CACNA1E: variants seen among roughly 807,000 people sequenced by gnomAD.
CACNA1E encodes voltage-dependent R-type calcium channel subunit alpha-1E.
A neutral mutation model predicts 259.2 loss-of-function variants in CACNA1E; 40 were observed. That is an observed-to-expected ratio of 0.15 (90% confidence interval 0.12 to 0.20). CACNA1E has a LOEUF of 0.20. Among genes scored for constraint, CACNA1E ranks in the 10% least tolerant of loss-of-function variants. The pLI, the probability that CACNA1E is intolerant of heterozygous loss-of-function variation, is 1.00. For synonymous variants in CACNA1E, 1,104 were observed against 1,138.5 expected, an observed-to-expected ratio of 0.97 and a Z score of 0.61; for missense variants, 1,874 against 3,040.1, an observed-to-expected ratio of 0.62 and a Z score of 9.02.
At chr1:181,622,907 A>G (rs1230514577) in intron 6 of CACNA1E, among the ~76,000 whole-genome samples, 1 of 152,260 alleles carries the variant, frequency 6.6e-6, no homozygotes, top group Admixed American at 6.5e-5. Flanking sequence ...ACTTATGCTT[A>G]GGAGCTTTTT....
intron 2 of CACNA1E, among the ~76,000 whole-genome samples, chr1:181,432,887 A>G (rs1659813063): frequency 6.6e-6 from 1 of 152,250 alleles, no homozygotes; most frequent in Non-Finnish European, 1.5e-5. Flanking sequence ...AAAGGAAACA[A>G]GTAAAATCAA....
Position 181,713,582 on chromosome 1 carries a change from T to G in CACNA1E, c.1172-1756T>G, listed in dbSNP as rs114391625. Among the ~76,000 whole-genome samples the G allele has an allele frequency of 1.6e-3, 241 of 152,338 alleles. 1 individual carries two copies. The highest frequency in any genetic ancestry group is 5.8e-3 in the African/African-American group (240 of 41,572). ...CTCTCAGTTTTATCTGTAGCTGGAA[T>G]TACGGTAATGACTTTAACCTCTCCT... On this transcript the variant is annotated intron_variant, in intron 8 of 47. Coordinates refer to ENST00000367573, the MANE Select transcript of CACNA1E (RefSeq NM_001205293.3).
chr1:181,574,896 A>G (rs951429452), intron 3 of CACNA1E, among the ~76,000 whole-genome samples: 5 of 152,052 alleles, frequency 3.3e-5, no homozygotes, highest in African/African-American at 7.2e-5. Flanking sequence ...TTGGTGGCAT[A>G]TGCCTGTAAT....
chr1:181,735,262 T>C (rs370795530), intron 21 of CACNA1E, among the ~76,000 whole-genome samples: 1 of 152,236 alleles, frequency 6.6e-6, no homozygotes. Context: ...GGCCTTCTTT[T>C]ATGAGAAAGA....
chr1:181,578,415 A>T (rs1012937020), intron 4 of CACNA1E, among the ~76,000 whole-genome samples: 3 of 152,166 alleles, frequency 2.0e-5, no homozygotes, highest in Non-Finnish European at 4.4e-5. Context: ...AAGTAAAAAA[A>T]ATGTAGCTGA....
intron 1 of CACNA1E, among the ~76,000 whole-genome samples, chr1:181,370,051 T>C (rs1654568187): frequency 6.6e-6 from 1 of 152,108 alleles, no homozygotes; most frequent in Non-Finnish European, 1.5e-5. Context: ...TTGAGAATTT[T>C]AATTTTTCAA....
intron 3 of CACNA1E, among the ~76,000 whole-genome samples, chr1:181,573,561 C>T (rs972110711): frequency 6.1e-4 from 93 of 152,286 alleles, no homozygotes; most frequent in African/African-American, 2.2e-3. Flanking sequence ...TCTGTCCAGT[C>T]CTCAGTAAGA....
chr1:181,641,927 T>A (rs771318752), intron 6 of CACNA1E, among the ~76,000 whole-genome samples: 31 of 152,100 alleles, frequency 2.0e-4, no homozygotes, highest in Non-Finnish European at 4.4e-4. Flanking sequence ...TTGGCCAGGC[T>A]GGTCTTGAAC....
At position 181,483,663 on chromosome 1, in the gene CACNA1E, CGT is replaced by C; in HGVS notation, c.-77_-76del. Reference sequence around the variant, plus strand: ...TTGTCTGGATGCGGCTCTGAGTCTCCGTGTGTCTTTCTGCTTGTTGCTGTGTG... The same window carrying C: ...TTGTCTGGATGCGGCTCTGAGTCTCCGTGTCTTTCTGCTTGTTGCTGTGTG... On this transcript the variant is annotated 5_prime_UTR_variant, in exon 1 of 48. Coordinates refer to ENST00000367573, the MANE Select transcript of CACNA1E (RefSeq NM_001205293.3). The C allele has an allele frequency of 1.0e-6, 1 of 959,948 alleles. No individual in the cohort carries two copies. The allele number at this position is 959,948 out of a possible 1,614,324, so 59.5% of individuals were successfully genotyped here. A position where few individuals can be genotyped will look rare whatever the true frequency, so the allele number is the denominator to read the frequency against.
intron 1 of CACNA1E, among the ~76,000 whole-genome samples, chr1:181,335,919 A>G (rs1172101445): frequency 6.6e-6 from 1 of 152,182 alleles, no homozygotes; most frequent in African/African-American, 2.4e-5. Flanking sequence ...TCTGAGCCAT[A>G]TGGGGCCATA....
At chr1:181,544,836 C>A (rs935271384) in intron 3 of CACNA1E, among the ~76,000 whole-genome samples, 4 of 152,108 alleles carry the variant, frequency 2.6e-5, no homozygotes, top group African/African-American at 9.7e-5. Flanking sequence ...TGACAGATAG[C>A]AATTTAAAGG....
At position 181,807,143 on chromosome 1, in the gene CACNA1E, A is replaced by T. The variant is rs1645462046; in HGVS notation, c.*8309A>T. 6.6e-6 allele frequency: 1 copy of T among 151,306 alleles called. No individual in the cohort carries two copies. The highest frequency in any genetic ancestry group is 2.4e-5 in the African/African-American group (1 of 41,204). The allele number at this position is 151,306 out of a possible 1,614,324, so 9.4% of individuals were successfully genotyped here. On this transcript the variant is annotated 3_prime_UTR_variant, in exon 48 of 48. Coordinates refer to ENST00000367573, the MANE Select transcript of CACNA1E (RefSeq NM_001205293.3). ...CCCTCATCTCTTAAAAAAAAAAAAA[A>T]GGAATAAAAATGTTCTCTGCCTTGG...
At chr1:181,434,394 A>T (rs1169674992) in intron 2 of CACNA1E, among the ~76,000 whole-genome samples, 4 of 149,024 alleles carry the variant, frequency 2.7e-5, no homozygotes, top group East Asian at 2.0e-4. Context: ...CTACTGGCCA[A>T]TTTTTTTTTT....
rs576826371 is a variant in CACNA1E at position 181,591,301 on chromosome 1, CTG to C, written c.951+10529_951+10530del. Among the ~76,000 whole-genome samples, 208 of 152,250 alleles carry C rather than the reference CTG, an allele frequency of 1.4e-3. 1 individual carries two copies. The highest frequency in any genetic ancestry group is 4.8e-3 in the African/African-American group (198 of 41,522). On this transcript the variant is annotated intron_variant, in intron 6 of 47. Coordinates refer to ENST00000367573, the MANE Select transcript of CACNA1E (RefSeq NM_001205293.3). ...GGTATTGATTAGAAAGCTTCTAGTTCTGTGTTAGTCTTTTTAAAAGAATCAGG... is the reference window on the plus strand; with the variant it reads ...GGTATTGATTAGAAAGCTTCTAGTTCTGTTAGTCTTTTTAAAAGAATCAGG...
chr1:181,637,617 G>A (rs1657361795), intron 6 of CACNA1E, among the ~76,000 whole-genome samples: 1 of 152,108 alleles, frequency 6.6e-6, no homozygotes, highest in East Asian at 1.9e-4. Flanking sequence ...AGCACCTACT[G>A]AGAGCTAAGT....
intron 5 of CACNA1E, 52 bp from the exon 6 acceptor site, chr1:181,580,543 C>T: frequency 6.4e-7 from 1 of 1,557,940 alleles, no homozygotes; most frequent in Non-Finnish European, 8.8e-7. Context: ...TCATTTCCAG[C>T]TCATGCGAAA....
At position 181,485,397 on chromosome 1, in the gene CACNA1E, G is replaced by A. The variant is rs902670208; in HGVS notation, c.266+1387G>A. 6.6e-6 allele frequency among the ~76,000 whole-genome samples: 1 copy of A among 152,102 alleles called. No individual in the cohort carries two copies. Among genetic ancestry groups the A allele is most frequent in the African/African-American group, 2.4e-5 (1 of 41,408 alleles). ...CAGCAGCTCGGTGATTGGCTGGCGC[G>A]TGGTGCTTCTAGGCAGCACCCCCTC... is the stretch of plus-strand genomic sequence containing the variant. On this transcript the variant is annotated intron_variant, in intron 1 of 47. Coordinates refer to ENST00000367573, the MANE Select transcript of CACNA1E (RefSeq NM_001205293.3). The surrounding 1 kb of genome is among the most constrained non-coding windows in gnomAD (Gnocchi z 4.2).
rs760739433 is a variant in CACNA1E, at chr1:181,793,667, G to C, written c.5901G>C (p.Glu1967Asp). 6.2e-7 allele frequency: 1 copy of C among 1,609,296 alleles called. No homozygotes were observed. The highest frequency in any genetic ancestry group is 8.5e-7 in the Non-Finnish European group (1 of 1,178,466). ...DGQFQERQSLEPEVSELKSVQ... is the reference protein window; with the variant it reads ...DGQFQERQSLDPEVSELKSVQ... ...CTTGGCTGTGTGTTTATTTCCAGGA[G>C]CCAGAGGTTAGTGAATTAAAAAGCG... Residue 1967 changes from glutamate to aspartate, a missense_variant and splice_region_variant, in exon 45 of 48, where the codon GAG becomes GAC. This residue lies in a region of CACNA1E where 542 missense variants were observed against 587.2 expected (regional missense o/e 0.92). Coordinates refer to ENST00000367573, the MANE Select transcript of CACNA1E (RefSeq NM_001205293.3).
chr1:181,595,401 G>C (rs1558165425), intron 6 of CACNA1E, among the ~76,000 whole-genome samples: 2 of 152,192 alleles, frequency 1.3e-5, no homozygotes, highest in Non-Finnish European at 2.9e-5. Flanking sequence ...CTCGTCCCCT[G>C]CACACATTTA....
Sources: gnomAD v4.1 joint callset for allele counts (sites outside exome capture counted in the v4.1 genomes callset) on GRCh38, gnomAD v4.1.1 for gene constraint, gnomAD v4.1.1 regional missense constraint, Gnocchi (gnomAD v3.1) non-coding constraint, MANE v1.5 for transcripts, NCBI Gene and HGNC (gene_info 2026-07-23, HGNC 2026-07-21) for gene names.